PPP1R12B: variants seen among roughly 807,000 people sequenced by gnomAD.
PPP1R12B encodes the protein protein phosphatase 1 regulatory subunit 12B.
Under a neutral mutation model 126.1 loss-of-function variants are expected in PPP1R12B, and 76 were observed. The observed-to-expected ratio is 0.60, with a 90% CI of 0.50 to 0.73. PPP1R12B has a LOEUF of 0.73. Ranked by LOEUF, PPP1R12B falls within the 30% of genes least tolerant of loss-of-function variation. The pLI is 0.00. For synonymous variants in PPP1R12B, 356 were observed against 434.7 expected (o/e 0.82, Z 2.25); for missense variants, 1,052 against 1,205.1 (o/e 0.87, Z 1.88).
chr1:202,537,655 C>A (rs1261989038), intron 18 of PPP1R12B, among the ~76,000 whole-genome samples: 1 of 152,208 alleles, frequency 6.6e-6, no homozygotes, highest in African/African-American at 2.4e-5. Context: ...TACATTCCCT[C>A]TCTAATTGCC....
rs1302698692 is a variant in PPP1R12B, at chr1:202,588,828, T to A, written c.*8268T>A. ...ATTGGCGTTCAAAAGAACCGTAAGA[T>A]AGATAGATAGATAGATAGATAGATA... On this transcript the variant is annotated 3_prime_UTR_variant, in exon 24 of 24. Coordinates refer to ENST00000608999, the MANE Select transcript of PPP1R12B (RefSeq NM_002481.4). 1.7e-5 allele frequency: 2 copies of A among 120,192 alleles called. No homozygotes were observed. The highest frequency in any genetic ancestry group is 7.5e-5 in the African/African-American group (2 of 26,514). 7.4% of individuals were successfully genotyped at this position (120,192 alleles called of 1,614,324 possible). A position where few individuals can be genotyped will look rare whatever the true frequency, so the allele number is the denominator to read the frequency against.
At chr1:202,433,596 A>G (rs901707551) in intron 8 of PPP1R12B, among the ~76,000 whole-genome samples, 12 of 152,212 alleles carry the variant, frequency 7.9e-5, no homozygotes, top group Admixed American at 7.2e-4. Flanking sequence ...TGGACTGCTT[A>G]ATTTCCTCAA....
chr1:202,510,726 C>T (rs950660723), intron 18 of PPP1R12B, among the ~76,000 whole-genome samples: 1 of 151,890 alleles, frequency 6.6e-6, no homozygotes, highest in African/African-American at 2.4e-5. Context: ...CATTATATGT[C>T]AGGCACTATG....
At chr1:202,429,363 A>C (rs1426299362) in intron 6 of PPP1R12B, among the ~76,000 whole-genome samples, 2 of 152,248 alleles carry the variant, frequency 1.3e-5, no homozygotes, top group African/African-American at 4.8e-5. Flanking sequence ...TTAAAAAATA[A>C]GTAAATACAC....
intron 17 of PPP1R12B, 32 bp downstream of exon 17, chr1:202,495,714 A>G (rs3817227): frequency 2.6e-6 from 4 of 1,560,662 alleles, no homozygotes; most frequent in African/African-American, 2.7e-5. Context: ...GAGGCATATC[A>G]TATTACTCTT....
At chr1:202,470,270 T>G (rs1053514303) in intron 13 of PPP1R12B, among the ~76,000 whole-genome samples, 4 of 152,238 alleles carry the variant, frequency 2.6e-5, no homozygotes, top group Admixed American at 2.0e-4. Flanking sequence ...CTGGCATATT[T>G]AGCTTCCTTT....
intron 1 of PPP1R12B, among the ~76,000 whole-genome samples, chr1:202,381,665 C>T (rs1662303279): frequency 6.6e-6 from 1 of 152,156 alleles, no homozygotes; most frequent in African/African-American, 2.4e-5. Flanking sequence ...ATTGCATTTT[C>T]CATGGCTTCT....
intron 1 of PPP1R12B, among the ~76,000 whole-genome samples, chr1:202,366,473 G>C (rs1015662693): frequency 7.7e-6 from 1 of 129,276 alleles, no homozygotes; most frequent in Non-Finnish European, 1.5e-5. Context: ...AGCCAAGAAC[G>C]CACCACTGCA....
At chr1:202,552,077 T>A (rs2148987851) in intron 18 of PPP1R12B, among the ~76,000 whole-genome samples, 1 of 152,358 alleles carries the variant, frequency 6.6e-6, no homozygotes, top group African/African-American at 2.4e-5. Flanking sequence ...TAAATGGTTT[T>A]AAGCCACTAA....
intron 1 of PPP1R12B, among the ~76,000 whole-genome samples, chr1:202,361,741 G>A (rs565447729): frequency 1.4e-3 from 211 of 152,070 alleles, no homozygotes; most frequent in Non-Finnish European, 2.3e-3. Flanking sequence ...CAAAGGGAAC[G>A]CTCCAAAGAA....
intron 18 of PPP1R12B, among the ~76,000 whole-genome samples, chr1:202,537,858 A>G (rs1684710223): frequency 6.6e-6 from 1 of 152,256 alleles, no homozygotes; most frequent in South Asian, 2.1e-4. Context: ...TTAGGTTTAC[A>G]TCAGTATTTC....
chr1:202,473,581 T>C (rs1412756063), intron 13 of PPP1R12B, among the ~76,000 whole-genome samples: 1 of 152,234 alleles, frequency 6.6e-6, no homozygotes, highest in African/African-American at 2.4e-5. Flanking sequence ...TGAGGAAGAA[T>C]TTCTCTCTTT....
intron 12 of PPP1R12B, 116 bp downstream of exon 12, chr1:202,442,688 TACTTTCA>T: frequency 4.4e-6 from 5 of 1,135,390 alleles, no homozygotes; most frequent in Non-Finnish European, 6.0e-6. Context: ...CAAAATGAAT[TACTTTCA>T]GGTTTCTTAG....
intron 13 of PPP1R12B, among the ~76,000 whole-genome samples, chr1:202,458,564 T>G (rs1202698195): frequency 6.6e-6 from 1 of 152,216 alleles, no homozygotes; most frequent in Non-Finnish European, 1.5e-5. Context: ...GGAATACAAT[T>G]GAGGGATTTC....
Position 202,364,616 on chromosome 1 carries a change from A to T in PPP1R12B, c.291+15474A>T, listed in dbSNP as rs560094181. On this transcript the variant is annotated intron_variant, in intron 1 of 23. Coordinates refer to ENST00000608999, the MANE Select transcript of PPP1R12B (RefSeq NM_002481.4). The stretch of plus-strand genomic sequence containing the variant: ...TTTTGAGACGGAGTCTTGCTCTGTC[A>T]CCCAGGCTGGAGTGCAGTGGCATGA... Among the ~76,000 whole-genome samples, 3 of 151,914 alleles carry T rather than the reference A, an allele frequency of 2.0e-5. No individual in the cohort carries two copies. The South Asian group carries it at 6.2e-4, about 32-fold the overall frequency.
rs1438192531 is a variant in PPP1R12B, at chr1:202,416,941, G to A, written c.422+24G>A. Reference sequence around the variant, plus strand: ...GAGTGAGTGAGTCTCTGTGTGTGTGGCTTTGTAGTATTTGTAGGAATAGCC... The same window carrying A: ...GAGTGAGTGAGTCTCTGTGTGTGTGACTTTGTAGTATTTGTAGGAATAGCC... On this transcript the variant is annotated intron_variant, in intron 2 of 23. Coordinates refer to ENST00000608999, the MANE Select transcript of PPP1R12B (RefSeq NM_002481.4). 4.4e-6 allele frequency: 7 copies of A among 1,601,894 alleles called. No individual in the cohort carries two copies. The Admixed American group carries it at 1.2e-4, about 28-fold the overall frequency.
rs1676014566 is a variant in PPP1R12B at position 202,472,154 on chromosome 1, A to G, written c.1851-16379A>G. ...CGTAGGTCATCACCGCCGGAAAACA[A>G]AAGTTTTTTATATATTCCAGATATG... On this transcript the variant is annotated intron_variant, in intron 13 of 23. Transcript: ENST00000608999. 3.9e-6 allele frequency: 4 copies of G among 1,034,878 alleles called. No homozygotes were observed. The Admixed American group carries it at 8.0e-5, about 21-fold the overall frequency. 64.1% of individuals were successfully genotyped at this position (1,034,878 alleles called of 1,614,324 possible). A position where few individuals can be genotyped will look rare whatever the true frequency, so the allele number is the denominator to read the frequency against.
intron 12 of PPP1R12B, among the ~76,000 whole-genome samples, chr1:202,445,659 T>C (rs1411297936): frequency 6.6e-6 from 1 of 152,210 alleles, no homozygotes; most frequent in Non-Finnish European, 1.5e-5. Context: ...AGCTAACTCA[T>C]TTTCCAAAAG....
rs148470358 is a variant in PPP1R12B, at chr1:202,404,974, A to G, written c.292-11813A>G. The stretch of plus-strand genomic sequence containing the variant: ...ACCACTAAATGATAAAGTCTTAATC[A>G]TTTTTTATTACTACATCTCCACCTG... On this transcript the variant is annotated intron_variant, in intron 1 of 23. Transcript: ENST00000608999. 5.9e-5 allele frequency among the ~76,000 whole-genome samples: 9 copies of G among 152,308 alleles called. No individual in the cohort carries two copies. In the East Asian group the frequency reaches 1.7e-3, roughly 29 times the overall value.
Sources: gnomAD v4.1 joint callset for allele counts (sites outside exome capture counted in the v4.1 genomes callset) on GRCh38, gnomAD v4.1.1 for gene constraint, MANE v1.5 for transcripts, NCBI Gene and HGNC (gene_info 2026-07-23, HGNC 2026-07-21) for gene names.